The following SEMA3A variants were observed in gnomAD, a reference collection of about 807,000 sequenced individuals.
SEMA3A encodes the protein semaphorin-3A.
A neutral mutation model predicts 97.9 loss-of-function variants in SEMA3A; 29 were observed. The ratio of observed to expected loss-of-function variants is 0.30; its 90% confidence interval spans 0.22 to 0.40. The LOEUF is 0.40. Ranked by LOEUF, SEMA3A falls within the 10% of genes least tolerant of loss-of-function variation. The probability of loss-of-function intolerance (pLI) is 1.00; values close to 1 mark genes in which losing one functional copy is unlikely to be tolerated. For missense variants in SEMA3A, 763 were observed against 951.3 expected, an observed-to-expected ratio of 0.80 and a Z score of 2.60; for synonymous variants, 321 against 323.7, an observed-to-expected ratio of 0.99 and a Z score of 0.09.
chr7:84,365,313 C>G lies in SEMA3A; in HGVS notation c.-169+6511G>C, dbSNP rs1011906567. On this transcript the variant is annotated intron_variant, in intron 2 of 3. Coordinates refer to the SEMA3A transcript ENST00000424555. ...AAGTTTGGAACCAATAAAAGATGTT[C>G]TTTTGGTGCCTTTATGGTTCAGAAT... Among the ~76,000 whole-genome samples, 9 of 151,602 alleles carry G rather than the reference C, an allele frequency of 5.9e-5. No individual in the cohort carries two copies. In the East Asian group the frequency reaches 1.2e-3, roughly 20 times the overall value.
At position 84,053,577 on chromosome 7, in the gene SEMA3A, C is replaced by T. The variant is rs928197804; in HGVS notation, c.547+6888G>A. Among the ~76,000 whole-genome samples, 33 of 43,228 alleles carry T rather than the reference C, an allele frequency of 7.6e-4. 1 individual carries two copies. The highest frequency in any genetic ancestry group is 0.013 in the Middle Eastern group (1 of 78). 28.4% of individuals were successfully genotyped at this position (43,228 alleles called of 152,430 possible). On this transcript the variant is annotated intron_variant, in intron 5 of 16. Coordinates refer to ENST00000265362, the MANE Select transcript of SEMA3A (RefSeq NM_006080.3). ...TTCCATTTGCTTGGTAGATCTTCCT[C>T]CATCCTTTTATTTTGAGCCTATGTG...
chr7:84,139,992 A>G (rs1796251793), intron 1 of SEMA3A, among the ~76,000 whole-genome samples: 1 of 152,056 alleles, frequency 6.6e-6, no homozygotes, highest in Non-Finnish European at 1.5e-5. Flanking sequence ...ATTTACTTTT[A>G]AAAAGAAGCA....
intron 3 of SEMA3A, among the ~76,000 whole-genome samples, chr7:84,209,359 C>T (rs1308392617): frequency 1.3e-5 from 2 of 152,032 alleles, no homozygotes; most frequent in Non-Finnish European, 2.9e-5. Context: ...AGGTTTAGGC[C>T]AAATGCATAG....
At chr7:84,194,821 C>G (rs1445682830), upstream of SEMA3A, 1 of 317,632 alleles carries the variant, frequency 3.1e-6, no homozygotes, top group Non-Finnish European at 5.7e-6. Flanking sequence ...AAATTCCGAG[C>G]CAGGCACCGG....
chr7:84,425,192 C>G (rs1804765792), intron 1 of SEMA3A, among the ~76,000 whole-genome samples: 1 of 108,678 alleles, frequency 9.2e-6, no homozygotes, highest in South Asian at 2.7e-4. Flanking sequence ...CATATATTTA[C>G]ATAAATAAAT....
chr7:84,248,925 A>G (rs1022141905), intron 3 of SEMA3A, among the ~76,000 whole-genome samples: 3 of 152,178 alleles, frequency 2.0e-5, no homozygotes, highest in Non-Finnish European at 4.4e-5. Context: ...CCCTCATGGC[A>G]TGATCTGGGT....
chr7:84,190,544 T>G (rs1395625692), intron 1 of SEMA3A, among the ~76,000 whole-genome samples: 1 of 150,820 alleles, frequency 6.6e-6, no homozygotes, highest in Non-Finnish European at 1.5e-5. Flanking sequence ...GGGTATGTCT[T>G]CCCCCCACAA....
intron 5 of SEMA3A, among the ~76,000 whole-genome samples, chr7:84,055,084 G>A (rs1366789690): frequency 2.6e-5 from 4 of 151,964 alleles, no homozygotes; most frequent in Non-Finnish European, 4.4e-5. Context: ...GCTGCGTGCT[G>A]GGAGAACCAC....
At chr7:84,305,951 T>C (rs1801143838) in intron 3 of SEMA3A, among the ~76,000 whole-genome samples, 1 of 151,598 alleles carries the variant, frequency 6.6e-6, no homozygotes, top group African/African-American at 2.4e-5. Flanking sequence ...TTAATTTATA[T>C]ATACATGTGT....
chr7:84,209,493 C>T lies in SEMA3A; in HGVS notation c.-82-14825G>A, dbSNP rs144496350. Among the ~76,000 whole-genome samples, 9 of 152,276 alleles carry T rather than the reference C, an allele frequency of 5.9e-5. No individual in the cohort carries two copies. In the East Asian group the frequency reaches 1.2e-3, roughly 20 times the overall value. On this transcript the variant is annotated intron_variant, in intron 3 of 3. Transcript: ENST00000424555. ...TGAGTTAATGAATTTCTTGGGGGCT[C>T]AGTGTCCTTTTCTATACATGAATGA... is the stretch of plus-strand genomic sequence containing the variant.
intron 2 of SEMA3A, among the ~76,000 whole-genome samples, chr7:84,363,150 T>A (rs2116072429): frequency 6.6e-6 from 1 of 152,026 alleles, no homozygotes; most frequent in East Asian, 1.9e-4. Flanking sequence ...TCACATCATC[T>A]GACAAATTCC....
intron 2 of SEMA3A, among the ~76,000 whole-genome samples, chr7:84,326,870 G>A (rs1397152599): frequency 5.9e-5 from 9 of 151,834 alleles, no homozygotes; most frequent in African/African-American, 2.2e-4. Context: ...TAAAAATCCT[G>A]GAAGACAACC....
intron 1 of SEMA3A, among the ~76,000 whole-genome samples, chr7:84,177,864 T>C (rs749366695): frequency 2.0e-4 from 30 of 152,126 alleles, no homozygotes; most frequent in Non-Finnish European, 4.3e-4. Context: ...TATAACATTG[T>C]ATTAAACAAC....
intron 3 of SEMA3A, among the ~76,000 whole-genome samples, chr7:84,233,377 C>A (rs1487077155): frequency 6.6e-6 from 1 of 151,752 alleles, no homozygotes; most frequent in Non-Finnish European, 1.5e-5. Flanking sequence ...TTTTATACTC[C>A]CCTTAAAAAG....
chr7:84,182,636 A>G (rs1183893947), intron 1 of SEMA3A, among the ~76,000 whole-genome samples: 2 of 152,208 alleles, frequency 1.3e-5, no homozygotes, highest in East Asian at 3.9e-4. Flanking sequence ...TGTGATTCCA[A>G]TGAAATTACA....
chr7:84,016,038 A>C (rs1791084862), intron 6 of SEMA3A, among the ~76,000 whole-genome samples: 1 of 152,166 alleles, frequency 6.6e-6, no homozygotes, highest in South Asian at 2.1e-4. Context: ...TTTGTTCAAA[A>C]ATTTCTACTT....
At chr7:84,078,894 G>A (rs1794049725) in intron 4 of SEMA3A, among the ~76,000 whole-genome samples, 1 of 151,980 alleles carries the variant, frequency 6.6e-6, no homozygotes, top group Admixed American at 6.6e-5. Flanking sequence ...GCAAAATACA[G>A]GCAGGGCGGT....
At chr7:84,182,062 C>A (rs1367423369) in intron 1 of SEMA3A, among the ~76,000 whole-genome samples, 2 of 152,078 alleles carry the variant, frequency 1.3e-5, no homozygotes, top group East Asian at 3.9e-4. Flanking sequence ...TAGACAAAAG[C>A]CCCTTTAAGT....
At chr7:84,426,276 A>ATAGC (rs57363377) in intron 1 of SEMA3A, among the ~76,000 whole-genome samples, 1 of 103,358 alleles carries the variant, frequency 9.7e-6, no homozygotes, top group African/African-American at 4.1e-5. Flanking sequence ...AGATATATAG[A>ATAGC]CAGATAGATA....
Sources: gnomAD v4.1 joint callset for allele counts (sites outside exome capture counted in the v4.1 genomes callset) on GRCh38, gnomAD v4.1.1 for gene constraint, MANE v1.5 for transcripts, NCBI Gene and HGNC (gene_info 2026-07-23, HGNC 2026-07-21) for gene names.